The following CDKN2B-AS1 variants were observed in gnomAD, a reference collection of about 807,000 sequenced individuals.
The protein encoded by CDKN2B-AS1 is CDKN2B antisense RNA 1 (non-protein coding).
At chr9:22,087,873 A>G (rs1270954215) in intron 4 of CDKN2B-AS1, among the ~76,000 whole-genome samples, 2 of 152,236 alleles carry the variant, frequency 1.3e-5, no homozygotes, top group South Asian at 2.1e-4. Context: ...AAGAAATGCC[A>G]TGAGTGAAAT....
chr9:22,085,542 A>G (rs1824841215), intron 4 of CDKN2B-AS1, among the ~76,000 whole-genome samples: 1 of 152,084 alleles, frequency 6.6e-6, no homozygotes, highest in African/African-American at 2.4e-5. Flanking sequence ...AACACGGTGA[A>G]ACCCCGTCTC....
At chr9:22,110,485 A>T (rs537479722) in intron 4 of CDKN2B-AS1, among the ~76,000 whole-genome samples, 1 of 152,176 alleles carries the variant, frequency 6.6e-6, no homozygotes, top group Non-Finnish European at 1.5e-5. Context: ...TCTTTTTGCA[A>T]GTGTTACAAA....
chr9:22,028,720 G>C (rs1315027907), intron 1 of CDKN2B-AS1, among the ~76,000 whole-genome samples: 1 of 152,094 alleles, frequency 6.6e-6, no homozygotes, highest in African/African-American at 2.4e-5. Context: ...CAAAGTATCA[G>C]ATTCATTTAT....
At chr9:22,002,054 A>G (rs1280741114) in intron 1 of CDKN2B-AS1, among the ~76,000 whole-genome samples, 7 of 152,116 alleles carry the variant, frequency 4.6e-5, no homozygotes, top group African/African-American at 1.4e-4. Flanking sequence ...TTGTGTATCT[A>G]GGTATCTCTT....
intron 4 of CDKN2B-AS1, among the ~76,000 whole-genome samples, chr9:22,116,862 A>C (rs1487053229): frequency 6.6e-6 from 1 of 152,252 alleles, no homozygotes; most frequent in African/African-American, 2.4e-5. Context: ...CCAAATAGTA[A>C]AACCATTCTT....
chr9:22,085,536 C>T (rs1347801886), intron 4 of CDKN2B-AS1, among the ~76,000 whole-genome samples: 2 of 151,990 alleles, frequency 1.3e-5, no homozygotes, highest in Non-Finnish European at 2.9e-5. Flanking sequence ...CTGGCTAACA[C>T]GGTGAAACCC....
intron 4 of CDKN2B-AS1, chr9:22,058,693 A>C (rs1229646244): frequency 6.6e-6 from 1 of 152,536 alleles, no homozygotes; most frequent in African/African-American, 2.4e-5. Flanking sequence ...TGCTCACTGA[A>C]GTCACTTAGG....
chr9:22,004,181 A>G (rs1821055881), intron 1 of CDKN2B-AS1: 1 of 232,366 alleles, frequency 4.3e-6, no homozygotes, highest in Non-Finnish European at 8.5e-6. Context: ...CCAATAACAT[A>G]TGCTCTGATT....
intron 1 of CDKN2B-AS1, chr9:22,003,954 A>T (rs1481427250): frequency 4.3e-6 from 1 of 232,630 alleles, no homozygotes; most frequent in Non-Finnish European, 8.5e-6. Flanking sequence ...TGGGAAGAAA[A>T]GCAAGACAAC....
intron 4 of CDKN2B-AS1, chr9:22,077,904 T>A (rs1006002149): frequency 1.1e-4 from 16 of 152,240 alleles, no homozygotes; most frequent in Admixed American, 3.9e-4. Flanking sequence ...TCTCTGTGGC[T>A]TGAATGGTCC....
rs76391420 is a variant in CDKN2B-AS1, at chr9:22,107,759, G to T, written n.439-19344G>T. Among the ~76,000 whole-genome samples, 397 of 152,340 alleles carry T rather than the reference G, an allele frequency of 2.6e-3. 1 individual carries two copies. Among genetic ancestry groups the T allele is most frequent in the African/African-American group, 9.0e-3 (375 of 41,576 alleles). The stretch of plus-strand genomic sequence containing the variant: ...CAAAAGGATAAGAGATTAGTGTCAT[G>T]ATGTGGCCTTCAGGCAGCCAGGGGG... On this transcript the variant is annotated intron_variant and non_coding_transcript_variant, in intron 4 of 4. Coordinates refer to ENST00000650946, the Ensembl canonical transcript of CDKN2B-AS1.
intron 4 of CDKN2B-AS1, among the ~76,000 whole-genome samples, chr9:22,078,833 A>G (rs373484710): frequency 2.6e-5 from 4 of 152,216 alleles, no homozygotes; most frequent in Non-Finnish European, 4.4e-5. Flanking sequence ...AGGTTTGGGT[A>G]TGCAGAGTTT....
chr9:22,070,565 G>A (rs1206935550), intron 4 of CDKN2B-AS1, among the ~76,000 whole-genome samples: 1 of 152,134 alleles, frequency 6.6e-6, no homozygotes, highest in Non-Finnish European at 1.5e-5. Flanking sequence ...ATTTTACAAA[G>A]AGACAAGGAA....
chr9:22,058,861 AG>A, intron 4 of CDKN2B-AS1: 1 of 212,730 alleles, frequency 4.7e-6, no homozygotes, highest in Non-Finnish European at 9.1e-6. Flanking sequence ...GGGAGGCGAA[AG>A]GCACTTCTTA....
chr9:22,017,382 C>CT (rs34582330), intron 1 of CDKN2B-AS1, among the ~76,000 whole-genome samples: 3 of 152,162 alleles, frequency 2.0e-5, no homozygotes, highest in Non-Finnish European at 4.4e-5. Flanking sequence ...TTATCTACCT[C>CT]TTTTTTAGGG....
At chr9:22,027,540 A>G (rs1822291978) in intron 1 of CDKN2B-AS1, among the ~76,000 whole-genome samples, 1 of 152,236 alleles carries the variant, frequency 6.6e-6, no homozygotes, top group African/African-American at 2.4e-5. Context: ...TATTAGTATT[A>G]GAAAAAACAT....
At position 22,025,451 on chromosome 9, in the gene CDKN2B-AS1, G is replaced by T. The variant is rs1374585237; in HGVS notation, n.30-21300G>T. Among the ~76,000 whole-genome samples the T allele has an allele frequency of 2.0e-5, 3 of 152,308 alleles. No homozygotes were observed. In the East Asian group the frequency reaches 5.8e-4, roughly 29 times the overall value. Reference sequence around the variant, plus strand: ...GTTGTCCGTGGCGGCTCTGTCCAGGGAGTTGCTGAGTTGCTATTGGCTTGA... The same window carrying T: ...GTTGTCCGTGGCGGCTCTGTCCAGGTAGTTGCTGAGTTGCTATTGGCTTGA... On this transcript the variant is annotated intron_variant and non_coding_transcript_variant, in intron 1 of 4. Transcript: ENST00000650946.
chr9:22,102,563 G>A (rs931743413), intron 4 of CDKN2B-AS1, among the ~76,000 whole-genome samples: 1 of 152,112 alleles, frequency 6.6e-6, no homozygotes, highest in Non-Finnish European at 1.5e-5. Context: ...GGCTTCAGGT[G>A]TTTTGTGGCT....
intron 3 of CDKN2B-AS1, among the ~76,000 whole-genome samples, chr9:22,054,668 CTTTT>C (rs1267869467): frequency 6.7e-6 from 1 of 148,608 alleles, no homozygotes; most frequent in South Asian, 2.2e-4. Flanking sequence ...GTTCTTTCAG[CTTTT>C]TTTATTTTTA....
Sources: gnomAD v4.1 joint callset for allele counts (sites outside exome capture counted in the v4.1 genomes callset) on GRCh38, gnomAD v4.1.1 for gene constraint, MANE v1.5 for transcripts, NCBI Gene and HGNC (gene_info 2026-07-23, HGNC 2026-07-21) for gene names.